The following PIEZO2 variants were observed in gnomAD, a reference collection of about 807,000 sequenced individuals.
PIEZO2 encodes the protein piezo-type mechanosensitive ion channel component 2.
Under a neutral mutation model 337.3 loss-of-function variants are expected in PIEZO2, and 172 were observed. That is an observed-to-expected ratio of 0.51 (90% CI 0.45 to 0.58). PIEZO2 has a LOEUF of 0.58. Among genes scored for constraint, PIEZO2 ranks in the 20% least tolerant of loss-of-function variants. The pLI, the probability that PIEZO2 is intolerant of heterozygous loss-of-function variation, is 0.00. For synonymous variants in PIEZO2, 1,251 were observed against 1,228.5 expected, an observed-to-expected ratio of 1.02 and a Z score of -0.38; for missense variants, 3,028 against 3,391.3, an observed-to-expected ratio of 0.89 and a Z score of 2.66.
intron 1 of PIEZO2, among the ~76,000 whole-genome samples, chr18:11,106,902 G>A (rs1458533252): frequency 6.6e-6 from 1 of 152,196 alleles, no homozygotes; most frequent in Non-Finnish European, 1.5e-5. Context: ...GTTCCCCACT[G>A]GAGTTGAGGC....
At chr18:10,823,494 G>A (rs1476101457) in intron 7 of PIEZO2, among the ~76,000 whole-genome samples, 2 of 152,144 alleles carry the variant, frequency 1.3e-5, no homozygotes, top group African/African-American at 2.4e-5. Context: ...TATCTAGAAC[G>A]TGTGAAAAAT....
intron 2 of PIEZO2, among the ~76,000 whole-genome samples, chr18:11,060,597 T>C (rs1354317948): frequency 6.6e-6 from 1 of 152,116 alleles, no homozygotes; most frequent in Non-Finnish European, 1.5e-5. Context: ...CCCACGGAAA[T>C]ACAAACTACC....
rs1301224151 is a variant in PIEZO2 at position 11,035,693 on chromosome 18, C to T, written c.160+30434G>A. On this transcript the variant is annotated intron_variant, in intron 2 of 55. Coordinates refer to ENST00000674853, the MANE Select transcript of PIEZO2 (RefSeq NM_001378183.1). The surrounding 1 kb of genome is among the most constrained non-coding windows in gnomAD (Gnocchi z 4.3). ...CACTCTTATCCCTGAAGAATGGACACAGAGGGTTGGAAAGTGTGATTATGA... is the reference window on the plus strand; with the variant it reads ...CACTCTTATCCCTGAAGAATGGACATAGAGGGTTGGAAAGTGTGATTATGA... 6.6e-6 allele frequency among the ~76,000 whole-genome samples: 1 copy of T among 152,154 alleles called. No individual in the cohort carries two copies. The highest frequency in any genetic ancestry group is 2.4e-5 in the African/African-American group (1 of 41,424).
chr18:10,802,875 T>C (rs976452688), intron 9 of PIEZO2, among the ~76,000 whole-genome samples: 9 of 151,562 alleles, frequency 5.9e-5, no homozygotes, highest in Non-Finnish European at 1.3e-4. Context: ...GGGAGGCTGA[T>C]TCAGGAGAAT....
intron 2 of PIEZO2, among the ~76,000 whole-genome samples, chr18:11,022,905 G>A (rs1441719747): frequency 2.0e-5 from 3 of 152,062 alleles, no homozygotes; most frequent in Admixed American, 6.6e-5. Context: ...TGTGTTCAGA[G>A]TTTCTTCCTT....
intron 4 of PIEZO2, among the ~76,000 whole-genome samples, chr18:10,893,054 A>G (rs1280410546): frequency 6.6e-6 from 1 of 152,238 alleles, no homozygotes; most frequent in East Asian, 1.9e-4. Flanking sequence ...GATAAAATTA[A>G]CAATGCTGGA....
intron 3 of PIEZO2, among the ~76,000 whole-genome samples, chr18:10,935,114 A>G (rs2032312452): frequency 6.6e-6 from 1 of 152,158 alleles, no homozygotes; most frequent in African/African-American, 2.4e-5. Context: ...CCATTAAACT[A>G]TATAGATAGC....
chr18:10,891,143 G>A (rs946619469), intron 4 of PIEZO2, among the ~76,000 whole-genome samples: 6 of 152,106 alleles, frequency 3.9e-5, no homozygotes, highest in African/African-American at 1.2e-4. Flanking sequence ...GAGCAACATG[G>A]TGAAACCCTG....
Position 10,910,495 on chromosome 18 carries a change from A to G in PIEZO2, c.329+691T>C, listed in dbSNP as rs567229107. ...CTACTTGGGAGGCTGAGGCAAGACA[A>G]TCACTTGAACCCAGGAGGCAGAGGT... On this transcript the variant is annotated intron_variant, in intron 4 of 55. Transcript: ENST00000674853. 5.3e-5 allele frequency among the ~76,000 whole-genome samples: 8 copies of G among 152,250 alleles called. No individual in the cohort carries two copies. In the South Asian group the frequency reaches 1.7e-3, roughly 32 times the overall value.
rs148373171 is a variant in PIEZO2 at position 11,002,317 on chromosome 18, T to C, written c.161-22657A>G. On this transcript the variant is annotated intron_variant, in intron 2 of 55. Transcript: ENST00000674853. This position sits in a 1 kb window ranked among gnomAD's most constrained non-coding sequence, Gnocchi z 4.3. ...TAGGCTGTAGTTTGCTGATCCCTGCTCTAGCTGGAGAAAGCATACTTCAGA... is the reference window on the plus strand; with the variant it reads ...TAGGCTGTAGTTTGCTGATCCCTGCCCTAGCTGGAGAAAGCATACTTCAGA... Among the ~76,000 whole-genome samples the C allele has an allele frequency of 3.2e-3, 481 of 152,336 alleles. 1 individual carries two copies. Among genetic ancestry groups the C allele is most frequent in the African/African-American group, 0.011 (452 of 41,582 alleles).
chr18:10,770,041 C>T, intron 21 of PIEZO2, 107 bp downstream of exon 21: 1 of 1,197,116 alleles, frequency 8.4e-7, no homozygotes, highest in Non-Finnish European at 1.1e-6. Context: ...TCTTGATACT[C>T]CGATGTAATG....
Position 10,813,533 on chromosome 18 carries a change from G to C in PIEZO2, c.918-6259C>G, listed in dbSNP as rs906414047. On this transcript the variant is annotated intron_variant, in intron 7 of 55. Transcript: ENST00000674853. This position sits in a 1 kb window ranked among gnomAD's most constrained non-coding sequence, Gnocchi z 4.2. Reference sequence around the variant, plus strand: ...TTTTGTGACTGTCTTATTTTACGTAGCATGATGGCCTCAAGGTTCATTCAT... The same window carrying C: ...TTTTGTGACTGTCTTATTTTACGTACCATGATGGCCTCAAGGTTCATTCAT... Among the ~76,000 whole-genome samples, 1 of 152,098 alleles carries C rather than the reference G, an allele frequency of 6.6e-6. No individual in the cohort carries two copies. The highest frequency in any genetic ancestry group is 1.5e-5 in the Non-Finnish European group (1 of 68,024).
rs192000553 is a variant in PIEZO2, at chr18:10,834,846, C to A, written c.917+20507G>T. 3.0e-4 allele frequency among the ~76,000 whole-genome samples: 45 copies of A among 152,354 alleles called. No individual in the cohort carries two copies. The East Asian group carries it at 8.5e-3, about 29-fold the overall frequency. ...GAAACTCCAGTGCCCTTTTCCCACA[C>A]CTGCCTCCATCACTCTCACTTTCAC... On this transcript the variant is annotated intron_variant, in intron 7 of 55. Transcript: ENST00000674853. The surrounding 1 kb of genome is among the most constrained non-coding windows in gnomAD (Gnocchi z 4.5).
In PIEZO2 at chr18:10,748,990, C is replaced by T. The variant is rs2037537216; in HGVS notation, c.4265-360G>A. Reference sequence around the variant, plus strand: ...GGAAATGCTCTTATACAAAAGAAAACACCCATTCTGGGAATGGGCTATACC... The same window carrying T: ...GGAAATGCTCTTATACAAAAGAAAATACCCATTCTGGGAATGGGCTATACC... On this transcript the variant is annotated intron_variant, in intron 29 of 55. Transcript: ENST00000674853. This position sits in a 1 kb window ranked among gnomAD's most constrained non-coding sequence, Gnocchi z 5.1. 6.6e-6 allele frequency among the ~76,000 whole-genome samples: 1 copy of T among 151,872 alleles called. No individual in the cohort carries two copies. Among genetic ancestry groups the T allele is most frequent in the African/African-American group, 2.4e-5 (1 of 41,340 alleles).
chr18:10,720,222 A>ATGTG (rs199985733), intron 36 of PIEZO2, among the ~76,000 whole-genome samples: 2 of 139,896 alleles, frequency 1.4e-5, no homozygotes, highest in African/African-American at 2.7e-5. Context: ...ATATGAATAT[A>ATGTG]TGTGTGTGTG....
intron 1 of PIEZO2, among the ~76,000 whole-genome samples, chr18:11,068,417 C>T (rs375237248): frequency 6.6e-6 from 1 of 151,938 alleles, no homozygotes; most frequent in South Asian, 2.1e-4. Flanking sequence ...AAACAACACG[C>T]TCCTAAACAG....
At chr18:10,971,514 A>G (rs1302074883) in intron 3 of PIEZO2, among the ~76,000 whole-genome samples, 2 of 152,138 alleles carry the variant, frequency 1.3e-5, no homozygotes, top group East Asian at 3.9e-4. Context: ...GGGTTCAAGG[A>G]GGCTGGGAAA....
chr18:11,001,790 A>C lies in PIEZO2; in HGVS notation c.161-22130T>G, dbSNP rs2035544006. Among the ~76,000 whole-genome samples, 1 of 152,096 alleles carries C rather than the reference A, an allele frequency of 6.6e-6. No homozygotes were observed. On this transcript the variant is annotated intron_variant, in intron 2 of 55. Coordinates refer to ENST00000674853, the MANE Select transcript of PIEZO2 (RefSeq NM_001378183.1). The surrounding 1 kb of genome is among the most constrained non-coding windows in gnomAD (Gnocchi z 5.3). The stretch of plus-strand genomic sequence containing the variant: ...CCACTCGGGAGGCTGAGGCATGAGA[A>C]TAGCTTGAACCCAGGAGGCAGAGGT...
chr18:10,946,916 G>A (rs1003414835), intron 3 of PIEZO2, among the ~76,000 whole-genome samples: 1 of 151,160 alleles, frequency 6.6e-6, no homozygotes, highest in Non-Finnish European at 1.5e-5. Flanking sequence ...GGAATTATCT[G>A]GCAAGAATTT....
Sources: allele counts gnomAD v4.1 joint callset (sites outside exome capture counted in the v4.1 genomes callset), GRCh38; gene constraint gnomAD v4.1.1; non-coding constraint Gnocchi (gnomAD v3.1); transcripts MANE v1.5; gene names NCBI Gene and HGNC (gene_info 2026-07-23, HGNC 2026-07-21).